Variants in ANKIB1 observed in about 807,000 individuals in gnomAD.
The protein encoded by ANKIB1 is ankyrin repeat and IBR domain-containing protein 1.
Under a neutral mutation model 122.1 loss-of-function variants are expected in ANKIB1, and 43 were observed. That is an observed-to-expected ratio of 0.35 (90% CI 0.28 to 0.45). The LOEUF (loss-of-function observed/expected upper bound fraction) is 0.45, where lower values mean the gene tolerates loss of function less well. ANKIB1 is among the 20% of genes least tolerant of loss of function. The pLI is 1.00. For missense variants in ANKIB1, 992 were observed against 1,329.5 expected (o/e 0.75, Z 3.95); for synonymous variants, 390 against 442.0 (o/e 0.88, Z 1.48).
At chr7:92,378,630 A>G (rs891502524) in intron 11 of ANKIB1, among the ~76,000 whole-genome samples, 1 of 152,314 alleles carries the variant, frequency 6.6e-6, no homozygotes, top group South Asian at 2.1e-4. Context: ...ACTAAATTCA[A>G]GAACAAGATG....
At chr7:92,327,704 CT>C in intron 4 of ANKIB1, 78 bp from the exon 5 acceptor site, 1 of 633,122 alleles carries the variant, frequency 1.6e-6, no homozygotes, top group Middle Eastern at 2.6e-4. Flanking sequence ...ATTGGACTGA[CT>C]ATATATTGTT....
At chr7:92,310,922 G>A (rs1414602018) in intron 3 of ANKIB1, among the ~76,000 whole-genome samples, 3 of 152,120 alleles carry the variant, frequency 2.0e-5, no homozygotes, top group Non-Finnish European at 4.4e-5. Context: ...TAAAATATGT[G>A]ACCTGTTTAA....
At chr7:92,300,137 T>C (rs1047325866) in intron 2 of ANKIB1, among the ~76,000 whole-genome samples, 4 of 152,174 alleles carry the variant, frequency 2.6e-5, no homozygotes, top group African/African-American at 9.7e-5. Flanking sequence ...ATAAGGGTCT[T>C]GTTAACCTAA....
chr7:92,379,043 G>A (rs1436860398), intron 11 of ANKIB1, among the ~76,000 whole-genome samples: 1 of 152,176 alleles, frequency 6.6e-6, no homozygotes, highest in Non-Finnish European at 1.5e-5. Flanking sequence ...AGACAATGAA[G>A]TTCTTAGAAA....
chr7:92,285,016 G>C (rs1802088951), intron 1 of ANKIB1, among the ~76,000 whole-genome samples: 1 of 152,146 alleles, frequency 6.6e-6, no homozygotes, highest in Non-Finnish European at 1.5e-5. Flanking sequence ...TGAATGTTTG[G>C]AGGTTTTATG....
At chr7:92,291,766 C>CG (rs1554336647) in intron 1 of ANKIB1, among the ~76,000 whole-genome samples, 3 of 151,830 alleles carry the variant, frequency 2.0e-5, no homozygotes, top group Admixed American at 1.3e-4. Flanking sequence ...TTAGTAGAGA[C>CG]GGGGTTTCAC....
chr7:92,325,660 A>T (rs928231671), intron 4 of ANKIB1, among the ~76,000 whole-genome samples: 1 of 151,508 alleles, frequency 6.6e-6, no homozygotes, highest in Non-Finnish European at 1.5e-5. Flanking sequence ...AACAATAAAC[A>T]TGTTTTACCA....
intron 19 of ANKIB1, among the ~76,000 whole-genome samples, 173 bp downstream of exon 19, chr7:92,398,032 TG>T (rs1804936879): frequency 2.0e-5 from 3 of 152,282 alleles, no homozygotes; most frequent in Non-Finnish European, 1.5e-5. Context: ...TTTTAAGGTA[TG>T]TTTTTTTTTT....
intron 1 of ANKIB1, among the ~76,000 whole-genome samples, chr7:92,252,871 G>A (rs1801358284): frequency 1.3e-5 from 2 of 151,430 alleles, no homozygotes; most frequent in Non-Finnish European, 2.9e-5. Context: ...TAGAGCCCTG[G>A]AATCAGCCAT....
At chr7:92,306,432 G>A (rs1802563472) in intron 2 of ANKIB1, among the ~76,000 whole-genome samples, 1 of 152,176 alleles carries the variant, frequency 6.6e-6, no homozygotes, top group Middle Eastern at 3.4e-3. Context: ...ACTCACCGTG[G>A]AATTAGATCT....
chr7:92,392,375 C>T, intron 17 of ANKIB1, 83 bp downstream of exon 17: 1 of 1,235,150 alleles, frequency 8.1e-7, no homozygotes, highest in East Asian at 2.4e-5. Context: ...TATTCTAAAT[C>T]CTTCTGAGAT....
intron 5 of ANKIB1, among the ~76,000 whole-genome samples, chr7:92,335,897 T>G (rs952786691): frequency 1.3e-5 from 2 of 152,090 alleles, no homozygotes; most frequent in Admixed American, 1.3e-4. Flanking sequence ...TGGCATTTGG[T>G]TTTAATTATC....
At chr7:92,305,635 AG>A (rs1396770599) in intron 2 of ANKIB1, among the ~76,000 whole-genome samples, 1 of 152,212 alleles carries the variant, frequency 6.6e-6, no homozygotes, top group Non-Finnish European at 1.5e-5. Context: ...GCTTCTAAGT[AG>A]TGTTGGTTTG....
intron 18 of ANKIB1, among the ~76,000 whole-genome samples, chr7:92,396,933 A>G (rs1804908740): frequency 6.6e-6 from 1 of 152,188 alleles, no homozygotes. Flanking sequence ...TTTAAAAGAG[A>G]GAGAATTTCT....
chr7:92,276,604 G>T (rs1158609781), intron 1 of ANKIB1, among the ~76,000 whole-genome samples: 1 of 152,192 alleles, frequency 6.6e-6, no homozygotes, highest in African/African-American at 2.4e-5. Context: ...CCCTTTAGAG[G>T]TCCAGAATGT....
At chr7:92,353,285 G>A in intron 9 of ANKIB1, among the ~76,000 whole-genome samples, 1 of 152,104 alleles carries the variant, frequency 6.6e-6, no homozygotes, top group East Asian at 1.9e-4. Context: ...CTTGTGTTTT[G>A]CTTAGTTTCT....
At chr7:92,305,919 C>T (rs919065088) in intron 2 of ANKIB1, among the ~76,000 whole-genome samples, 3 of 152,102 alleles carry the variant, frequency 2.0e-5, no homozygotes, top group East Asian at 1.9e-4. Context: ...GGATGATCCT[C>T]GAGACCATGG....
chr7:92,340,881 T>TGGCCAACAAAC (rs1803423363), intron 5 of ANKIB1, among the ~76,000 whole-genome samples: 1 of 152,220 alleles, frequency 6.6e-6, no homozygotes, highest in Non-Finnish European at 1.5e-5. Context: ...AATGTTTGAA[T>TGGCCAACAAAC]ACATCCATTG....
rs1804636353 is a variant in ANKIB1 at position 92,386,024 on chromosome 7, A to G, written c.1618-485A>G. On this transcript the variant is annotated intron_variant, in intron 11 of 19. Coordinates refer to ENST00000265742, the MANE Select transcript of ANKIB1 (RefSeq NM_019004.2). ...ATGCTCATATTTTTGGCACTGTCTG[A>G]TAATTATGGTAATTAAGTTGGAATT... Among the ~76,000 whole-genome samples the G allele has an allele frequency of 2.6e-5, 4 of 152,246 alleles. No homozygotes were observed. In the South Asian group the frequency reaches 8.3e-4, roughly 32 times the overall value.
Sources: allele counts gnomAD v4.1 joint callset (sites outside exome capture counted in the v4.1 genomes callset), GRCh38; gene constraint gnomAD v4.1.1; transcripts MANE v1.5; gene names NCBI Gene and HGNC (gene_info 2026-07-23, HGNC 2026-07-21).